The following RANBP2 variants were observed in gnomAD, a reference collection of about 807,000 sequenced individuals.
RANBP2 encodes the protein E3 SUMO-protein ligase RanBP2.
RANBP2 carries 57 observed loss-of-function variants against 303.6 expected under a neutral mutation model. The observed-to-expected ratio is 0.19, with a 90% CI of 0.15 to 0.23. The LOEUF (loss-of-function observed/expected upper bound fraction) is 0.23. RANBP2 is among the 10% of genes least tolerant of loss of function. RANBP2 has a pLI of 1.00. For missense variants in RANBP2, 3,138 were observed against 3,780.8 expected (o/e 0.83, Z 4.46); for synonymous variants, 1,167 against 1,301.5 (o/e 0.90, Z 2.23).
chr2:109,705,083 A>G, the RANBP2 span, among the ~76,000 whole-genome samples: 2 of 13,246 alleles, frequency 1.5e-4, no homozygotes, highest in African/African-American at 1.8e-4. Context: ...CAAAATAAAT[A>G]AATAAATAAA....
At chr2:108,815,902 T>A in the RANBP2 span, 1 of 1,539,782 alleles carries the variant, frequency 6.5e-7, no homozygotes, top group South Asian at 1.2e-5. Flanking sequence ...TTTTATGAAG[T>A]TGTGAACTGA....
chr2:109,350,225 G>T, the RANBP2 span, among the ~76,000 whole-genome samples: 3 of 152,200 alleles, frequency 2.0e-5, no homozygotes, highest in Non-Finnish European at 4.4e-5. Flanking sequence ...TCCCAAGTGG[G>T]CAATGTCACC....
At chr2:108,854,056 T>A in the RANBP2 span, among the ~76,000 whole-genome samples, 4 of 89,242 alleles carry the variant, frequency 4.5e-5, no homozygotes, top group East Asian at 1.2e-3. Context: ...TAAATTTATA[T>A]TATATATATT....
At chr2:108,806,758 T>C in the RANBP2 span, among the ~76,000 whole-genome samples, 4 of 152,358 alleles carry the variant, frequency 2.6e-5, no homozygotes, top group East Asian at 7.7e-4. Flanking sequence ...GTTATTTCTG[T>C]GACTGACTTA....
At chr2:109,238,585 AT>A in the RANBP2 span, among the ~76,000 whole-genome samples, 1 of 151,622 alleles carries the variant, frequency 6.6e-6, no homozygotes, top group South Asian at 2.1e-4. Context: ...TGGAGGGGAC[AT>A]TTTTTCAGGA....
chr2:109,466,880 T>A, the RANBP2 span, among the ~76,000 whole-genome samples: 1 of 152,186 alleles, frequency 6.6e-6, no homozygotes, highest in Non-Finnish European at 1.5e-5. Context: ...TATGTTTGTG[T>A]GTATATGTGT....
At chr2:109,406,377 A>G in the RANBP2 span, among the ~76,000 whole-genome samples, 4 of 152,120 alleles carry the variant, frequency 2.6e-5, no homozygotes, top group African/African-American at 4.8e-5. Flanking sequence ...AGGACCCTAA[A>G]TGGGCAGTCA....
At chr2:108,865,534 C>G in the RANBP2 span, among the ~76,000 whole-genome samples, 4 of 152,200 alleles carry the variant, frequency 2.6e-5, no homozygotes, top group African/African-American at 4.8e-5. Flanking sequence ...ATGGTCTGGA[C>G]TCATTCTGGA....
chr2:108,844,395 T>G, the RANBP2 span, among the ~76,000 whole-genome samples: 1 of 127,166 alleles, frequency 7.9e-6, no homozygotes, highest in Non-Finnish European at 1.8e-5. Flanking sequence ...AAATATTCAC[T>G]TGGTTCTTTT....
the RANBP2 span, among the ~76,000 whole-genome samples, chr2:108,840,296 C>T: frequency 6.6e-6 from 1 of 151,986 alleles, no homozygotes; most frequent in African/African-American, 2.4e-5. Flanking sequence ...AAATATTTGT[C>T]TATAGTTTTG....
the RANBP2 span, among the ~76,000 whole-genome samples, chr2:109,362,953 A>G: frequency 6.6e-6 from 1 of 152,118 alleles, no homozygotes; most frequent in South Asian, 2.1e-4. Context: ...TTGTGTGTGT[A>G]TATTTAAAGT....
the RANBP2 span, among the ~76,000 whole-genome samples, chr2:109,570,518 T>C: frequency 7.2e-6 from 1 of 139,412 alleles, no homozygotes; most frequent in Non-Finnish European, 1.6e-5. Flanking sequence ...AGCATTTACA[T>C]TGTATCAGGT....
the RANBP2 span, among the ~76,000 whole-genome samples, chr2:109,343,613 A>G: frequency 1.3e-5 from 2 of 152,060 alleles, no homozygotes; most frequent in Non-Finnish European, 2.9e-5. Context: ...TCCGAGAATC[A>G]TGCTCTCAGT....
chr2:109,171,231 C>T, the RANBP2 span, among the ~76,000 whole-genome samples: 1 of 152,070 alleles, frequency 6.6e-6, no homozygotes, highest in East Asian at 1.9e-4. Flanking sequence ...CATATTATGG[C>T]TGTATTTGCT....
the RANBP2 span, among the ~76,000 whole-genome samples, chr2:108,862,367 A>G: frequency 0.87 from 132,803 of 152,196 alleles, 58,328 homozygotes; most frequent in East Asian, 1. Context: ...TTCCTCAGGG[A>G]TCTTCACAGG....
the RANBP2 span, among the ~76,000 whole-genome samples, chr2:109,125,101 G>A: frequency 1.3e-5 from 2 of 152,194 alleles, no homozygotes; most frequent in Admixed American, 1.3e-4. Context: ...AGTCAAGTCT[G>A]GGGTTGGCCT....
the RANBP2 span, among the ~76,000 whole-genome samples, chr2:109,509,918 A>T: frequency 0.015 from 2,213 of 152,274 alleles, 57 homozygotes; most frequent in African/African-American, 0.051. Context: ...TAACTAGGCG[A>T]TAGCTACCGG....
chr2:108,840,607 G>T, the RANBP2 span, among the ~76,000 whole-genome samples: 3 of 152,244 alleles, frequency 2.0e-5, no homozygotes, highest in African/African-American at 7.2e-5. Context: ...ATTTATGTGT[G>T]TAGAGTTTTT....
chr2:109,389,433 A>G, the RANBP2 span, among the ~76,000 whole-genome samples: 79,350 of 152,154 alleles, frequency 0.52, 21,159 homozygotes, highest in South Asian at 0.61. Flanking sequence ...GGCATACCGC[A>G]TGAGTGTGTG....
Sources: allele counts gnomAD v4.1 joint callset (sites outside exome capture counted in the v4.1 genomes callset), GRCh38; gene constraint gnomAD v4.1.1; transcripts MANE v1.5; gene names NCBI Gene and HGNC (gene_info 2026-07-23, HGNC 2026-07-21).